C1orf116: variants seen among roughly 807,000 people sequenced by gnomAD.
The protein encoded by C1orf116 is specifically androgen-regulated gene protein.
In C1orf116, 12 loss-of-function variants were observed where a neutral mutation model predicts 14.1. That is an observed-to-expected ratio of 0.85 (90% CI 0.54 to 1.38). The LOEUF (loss-of-function observed/expected upper bound fraction) is 1.38. Ranked by LOEUF, C1orf116 falls within the 40% of genes most tolerant of loss-of-function variation. The pLI is 0.00. For synonymous variants in C1orf116, 296 were observed against 299.0 expected, an observed-to-expected ratio of 0.99 and a Z score of 0.10; for missense variants, 797 against 747.0, an observed-to-expected ratio of 1.07 and a Z score of -0.78.
chr1:207,026,813 A>G (rs191289256), intron 2 of C1orf116, among the ~76,000 whole-genome samples: 5 of 152,378 alleles, frequency 3.3e-5, no homozygotes, highest in Non-Finnish European at 5.9e-5. Flanking sequence ...CAGAAAAATT[A>G]CAGTTTATTA....
rs182449382 is a variant in C1orf116 at position 207,023,109 on chromosome 1, C to G, written c.655G>C (p.Glu219Gln). 3 of 1,612,606 alleles carry G rather than the reference C, an allele frequency of 1.9e-6. No individual in the cohort carries two copies. In the South Asian group the frequency reaches 3.3e-5, roughly 18 times the overall value. Residue 219 changes from glutamate (E) to glutamine (Q), a missense_variant, in exon 4 of 4, where the codon GAG becomes CAG. Coordinates refer to ENST00000359470, the MANE Select transcript of C1orf116 (RefSeq NM_023938.6). ...PEQCREASLP[E>Q]GPGQQGHTPQ... ...GTGTGGCCCTGCTGTCCTGGCCCCT[C>G]GGGCAGGCTGGCTTCCCTACACTGC...
At position 207,023,111 on chromosome 1, in the gene C1orf116, G is replaced by A; in HGVS notation, c.653C>T (p.Pro218Leu). 6.2e-7 allele frequency: 1 copy of A among 1,612,626 alleles called. No homozygotes were observed. Among genetic ancestry groups the A allele is most frequent in the Middle Eastern group, 1.7e-4 (1 of 6,058 alleles). Residue 218 changes from proline (P) to leucine (L), a missense_variant, in exon 4 of 4, where the codon CCC becomes CTC. Pro to Leu is a moderately conservative substitution (Grantham distance 98). Coordinates refer to ENST00000359470, the MANE Select transcript of C1orf116 (RefSeq NM_023938.6). ...GTGGCCCTGCTGTCCTGGCCCCTCG[G>A]GCAGGCTGGCTTCCCTACACTGCTC... is the stretch of plus-strand genomic sequence containing the variant. ...QPEQCREASL[P>L]EGPGQQGHTP...
Position 207,019,269 on chromosome 1 carries a change from A to AC in C1orf116, c.*2688dup, listed in dbSNP as rs1681756733. On this transcript the variant is annotated 3_prime_UTR_variant, in exon 4 of 4. Transcript: ENST00000359470. ...GCTGTCAACACATCTGAGGGCACAGACCCCCCTATCATGCCAGGCTGGGAG... is the reference window on the plus strand; with the variant it reads ...GCTGTCAACACATCTGAGGGCACAGACCCCCCCTATCATGCCAGGCTGGGAG... 3.3e-5 allele frequency: 5 copies of AC among 151,802 alleles called. No homozygotes were observed. The South Asian group carries it at 1.0e-3, about 32-fold the overall frequency. 9.4% of individuals were successfully genotyped at this position (151,802 alleles called of 1,614,324 possible).
intron 2 of C1orf116, among the ~76,000 whole-genome samples, chr1:207,026,259 G>A (rs984228237): frequency 1.3e-5 from 2 of 152,220 alleles, no homozygotes; most frequent in African/African-American, 4.8e-5. Flanking sequence ...ACATGTTAAA[G>A]CAAGCCCCAA....
intron 1 of C1orf116, among the ~76,000 whole-genome samples, chr1:207,031,003 G>T (rs896736699): frequency 6.6e-6 from 1 of 152,096 alleles, no homozygotes; most frequent in Non-Finnish European, 1.5e-5. Flanking sequence ...TTCCAGGTTG[G>T]CTTGTCTGTA....
intron 1 of C1orf116, among the ~76,000 whole-genome samples, chr1:207,032,361 G>T (rs752710677): frequency 2.2e-4 from 33 of 152,258 alleles, no homozygotes; most frequent in Non-Finnish European, 4.0e-4. Flanking sequence ...TGAAAAAGAA[G>T]GTGCCTCCCA....
rs41277164 is a variant in C1orf116, at chr1:207,027,550, T to A, written c.49A>T (p.Thr17Ser). 2.9e-3 allele frequency: 4,696 copies of A among 1,613,666 alleles called. 9 individuals carry two copies. Among genetic ancestry groups the A allele is most frequent in the Non-Finnish European group, 3.8e-3 (4,454 of 1,180,024 alleles). The change falls in exon 2 of 4, where the codon ACC (threonine) becomes TCC (serine). Residue 17 changes from threonine to serine, a missense_variant. Physicochemically the swap from Thr to Ser is moderately conservative, Grantham distance 58 (BLOSUM62 1). Transcript: ENST00000359470. ...ATGCTGTCACAGCTGCCGACACGGG[T>A]CACGGGTTCTGAGCCAGTCCCCGCT... is the stretch of plus-strand genomic sequence containing the variant. ...WPAGTGSEPVTRVGSCDSMMS... is the reference protein window; with the variant it reads ...WPAGTGSEPVSRVGSCDSMMS...
chr1:207,022,006 A>G lies in C1orf116; in HGVS notation c.1758T>C (p.Asn586=), dbSNP rs374863194. 36 of 1,558,022 alleles carry G rather than the reference A, an allele frequency of 2.3e-5. No homozygotes were observed. Among genetic ancestry groups the G allele is most frequent in the Middle Eastern group, 1.7e-4 (1 of 5,782 alleles). The change falls in exon 4 of 4, where the codon AAT becomes AAC. Residue 586 remains asparagine (N), a synonymous_variant. Coordinates refer to ENST00000359470, the MANE Select transcript of C1orf116 (RefSeq NM_023938.6). ...TCTTCAGGGCCTCCCTTCTGTGTTCATTGGGGACACCCTTTGGGGAGATCT... is the reference window on the plus strand; with the variant it reads ...TCTTCAGGGCCTCCCTTCTGTGTTCGTTGGGGACACCCTTTGGGGAGATCT... ...SVKISPKGVP[N]EHRREALKKL... is the part of the protein sequence containing the mutation.
intron 1 of C1orf116, among the ~76,000 whole-genome samples, chr1:207,030,497 G>A (rs764385803): frequency 5.9e-5 from 9 of 152,174 alleles, no homozygotes; most frequent in Admixed American, 1.3e-4. Context: ...TATTTCTACA[G>A]TAAAGAAATG....
At chr1:207,026,299 G>A (rs922107627) in intron 2 of C1orf116, among the ~76,000 whole-genome samples, 4 of 152,180 alleles carry the variant, frequency 2.6e-5, no homozygotes, top group South Asian at 2.1e-4. Flanking sequence ...TGAAGCTGAC[G>A]CCAAGAGTTT....
intron 1 of C1orf116, among the ~76,000 whole-genome samples, chr1:207,029,362 G>A (rs1157737283): frequency 6.6e-6 from 1 of 152,094 alleles, no homozygotes; most frequent in Non-Finnish European, 1.5e-5. Context: ...TTCTTCATGA[G>A]GTTAGCTCCC....
At chr1:207,031,860 A>G (rs1233011281) in intron 1 of C1orf116, among the ~76,000 whole-genome samples, 4 of 152,242 alleles carry the variant, frequency 2.6e-5, no homozygotes, top group African/African-American at 9.6e-5. Flanking sequence ...ACAGCCAGGT[A>G]GCTTTCTGTT....
rs1387186725 is a variant in C1orf116 at position 207,021,289 on chromosome 1, G to C, written c.*669C>G. ...TGTGGTCACTTATCCTGCCTTCTCA[G>C]ACCAACAAGAGCTGTTCTGCTATCA... On this transcript the variant is annotated 3_prime_UTR_variant, in exon 4 of 4. Transcript: ENST00000359470. 6.6e-6 allele frequency: 1 copy of C among 152,638 alleles called. No homozygotes were observed. The highest frequency in any genetic ancestry group is 2.4e-5 in the African/African-American group (1 of 41,460). 9.5% of individuals were successfully genotyped at this position (152,638 alleles called of 1,614,324 possible). A position where few individuals can be genotyped will look rare whatever the true frequency, so the allele number is the denominator to read the frequency against.
In C1orf116 at chr1:207,022,068, G is replaced by A. The variant is rs147463881; in HGVS notation, c.1696C>T (p.Arg566Cys). ...CAGGGGGGGCGAGGAAGCTTGTCAC[G>A]GCTCTGTCCTTGGTAGGACAGGCGC... ...SKRLSYQGQSRDKLPRPPCVS... is the reference protein window; with the variant it reads ...SKRLSYQGQSCDKLPRPPCVS... The change falls in exon 4 of 4, where the codon CGT becomes TGT. Residue 566 changes from arginine to cysteine, a missense_variant. By Grantham distance (180) the Arg-to-Cys change is radical. Transcript: ENST00000359470. The A allele has an allele frequency of 8.7e-6, 14 of 1,609,292 alleles. No individual in the cohort carries two copies. Among genetic ancestry groups the A allele is most frequent in the African/African-American group, 4.0e-5 (3 of 74,778 alleles).
At chr1:207,023,626 T>C in intron 3 of C1orf116, 146 bp from the exon 4 acceptor site, 1 of 1,264,014 alleles carries the variant, frequency 7.9e-7, no homozygotes. Flanking sequence ...TTGTTTTCTT[T>C]GCTTTTACAA....
Position 207,021,893 on chromosome 1 carries a change from G to T in C1orf116, c.*65C>A. On this transcript the variant is annotated 3_prime_UTR_variant, in exon 4 of 4. Transcript: ENST00000359470. ...AGCCCTGAGTTGCGTGGTGGCAAAG[G>T]CTCCCAAGTGGAGCATGTGTCTCTT... is the stretch of plus-strand genomic sequence containing the variant. The T allele has an allele frequency of 6.9e-7, 1 of 1,452,384 alleles. No individual in the cohort carries two copies. 90.0% of individuals were successfully genotyped at this position (1,452,384 alleles called of 1,614,324 possible). A position where few individuals can be genotyped will look rare whatever the true frequency, so the allele number is the denominator to read the frequency against.
chr1:207,022,926 G>C lies in C1orf116; in HGVS notation c.838C>G (p.Leu280Val), dbSNP rs755086738. 1.2e-6 allele frequency: 2 copies of C among 1,614,020 alleles called. No individual in the cohort carries two copies. Among genetic ancestry groups the C allele is most frequent in the African/African-American group, 2.7e-5 (2 of 74,912 alleles). Residue 280 changes from leucine to valine, a missense_variant, in exon 4 of 4, where the codon CTC becomes GTC. Leu to Val is a conservative substitution (Grantham distance 32, BLOSUM62 1). Coordinates refer to ENST00000359470, the MANE Select transcript of C1orf116 (RefSeq NM_023938.6). ...CTGTTTGGGTCCTCCCCTGATGAGA[G>C]GGGAGCATCTTCAGCTCTTGCATTC... is the stretch of plus-strand genomic sequence containing the variant. ...PQNARAEDAP[L>V]SSGEDPNSRL...
At position 207,021,962 on chromosome 1, in the gene C1orf116, T is replaced by C. The variant is rs1681870941; in HGVS notation, c.1802A>G (p.Glu601Gly). 1 of 1,522,808 alleles carries C rather than the reference T, an allele frequency of 6.6e-7. No homozygotes were observed. Among genetic ancestry groups the C allele is most frequent in the Non-Finnish European group, 8.8e-7 (1 of 1,137,280 alleles). The allele number at this position is 1,522,808 out of a possible 1,614,324, so 94.3% of individuals were successfully genotyped here. Residue 601 changes from glutamate (E) to glycine (G), a missense_variant, in exon 4 of 4, where the codon GAG becomes GGG. Glu to Gly is a moderately conservative substitution (Grantham distance 98). Coordinates refer to ENST00000359470, the MANE Select transcript of C1orf116 (RefSeq NM_023938.6). ...GGTCTGTACTGGTCGCAGAGTCTAC[T>C]CCTTCAACAGTCCCAGCTTCTTCAG... ...EALKKLGLLK[E>G] is the part of the protein sequence containing the mutation.
rs770202598 is a variant in C1orf116, at chr1:207,022,662, T to G, written c.1102A>C (p.Ser368Arg). ...GGTCTGATGGAGCTGGTGGGCTTACTTAAGTGGAGTCCAGGCTCATCTTGA... is the reference window on the plus strand; with the variant it reads ...GGTCTGATGGAGCTGGTGGGCTTACGTAAGTGGAGTCCAGGCTCATCTTGA... ...QDQDEPGLHLSKPTSSIRPKE... is the reference protein window; with the variant it reads ...QDQDEPGLHLRKPTSSIRPKE... The change falls in exon 4 of 4, where the codon AGT becomes CGT. Residue 368 changes from serine to arginine, a missense_variant. Ser to Arg is a moderately radical substitution (Grantham distance 110). Coordinates refer to ENST00000359470, the MANE Select transcript of C1orf116 (RefSeq NM_023938.6). 22 of 1,613,920 alleles carry G rather than the reference T, an allele frequency of 1.4e-5. No homozygotes were observed. The highest frequency in any genetic ancestry group is 3.3e-4 in the Middle Eastern group (2 of 6,084).
Sources: allele counts gnomAD v4.1 joint callset (sites outside exome capture counted in the v4.1 genomes callset), GRCh38; gene constraint gnomAD v4.1.1; transcripts MANE v1.5; gene names NCBI Gene and HGNC (gene_info 2026-07-23, HGNC 2026-07-21).